The following GFRAL variants were observed in gnomAD, a reference collection of about 807,000 sequenced individuals.
The protein encoded by GFRAL is GDNF family receptor alpha like, also known as GDNF family receptor alpha-like.
In GFRAL, 36 loss-of-function variants were observed where a neutral mutation model predicts 45.4. The observed-to-expected ratio is 0.79, with a 90% CI of 0.61 to 1.05. The LOEUF is 1.05. Ranked by LOEUF, GFRAL falls within the 50% of genes least tolerant of loss-of-function variation. GFRAL has a pLI of 0.00. For missense variants in GFRAL, 507 were observed against 467.5 expected (o/e 1.08, Z -0.78); for synonymous variants, 166 against 154.1 (o/e 1.08, Z -0.57).
intron 3 of GFRAL, among the ~76,000 whole-genome samples, chr6:55,343,960 C>T (rs1311658275): frequency 6.6e-6 from 1 of 152,092 alleles, no homozygotes; most frequent in Non-Finnish European, 1.5e-5. Flanking sequence ...TTCCTGGATG[C>T]ATACACTCTA....
chr6:55,331,469 A>T (rs1440418774), intron 1 of GFRAL, among the ~76,000 whole-genome samples: 1 of 152,124 alleles, frequency 6.6e-6, no homozygotes, highest in East Asian at 1.9e-4. Flanking sequence ...ATAAAAATAA[A>T]TTATAAGTTG....
intron 3 of GFRAL, among the ~76,000 whole-genome samples, chr6:55,346,831 TC>T (rs1554187943): frequency 0.03 from 640 of 21,514 alleles, 28 homozygotes; most frequent in East Asian, 0.081. Context: ...AAACAAGAAA[TC>T]CCCCCCCCCC....
At chr6:55,375,661 G>C (rs895126456) in intron 6 of GFRAL, among the ~76,000 whole-genome samples, 4 of 151,864 alleles carry the variant, frequency 2.6e-5, no homozygotes, top group African/African-American at 9.7e-5. Flanking sequence ...TGTTGAATAG[G>C]AGTGCTAAGA....
At chr6:55,380,704 G>T (rs1031282391) in intron 6 of GFRAL, among the ~76,000 whole-genome samples, 6 of 151,900 alleles carry the variant, frequency 3.9e-5, no homozygotes, top group African/African-American at 1.4e-4. Flanking sequence ...TCCCAAGGTG[G>T]CCTGCTTCAC....
intron 3 of GFRAL, among the ~76,000 whole-genome samples, chr6:55,340,641 A>G (rs140547295): frequency 0.013 from 1,988 of 152,224 alleles, 23 homozygotes; most frequent in Non-Finnish European, 0.022. Flanking sequence ...CTGAGGTACC[A>G]GGTTCATCTC....
intron 6 of GFRAL, among the ~76,000 whole-genome samples, chr6:55,367,633 C>T (rs1768383354): frequency 6.6e-6 from 1 of 150,732 alleles, no homozygotes; most frequent in Non-Finnish European, 1.5e-5. Context: ...GTAAGGCAGG[C>T]CTGGTGGTGA....
intron 6 of GFRAL, among the ~76,000 whole-genome samples, chr6:55,388,241 C>T (rs1479237642): frequency 6.6e-6 from 1 of 152,140 alleles, no homozygotes; most frequent in Admixed American, 6.6e-5. Flanking sequence ...AAAAAAAACT[C>T]AGTTGCAAAG....
At chr6:55,385,815 G>A (rs891662493) in intron 6 of GFRAL, among the ~76,000 whole-genome samples, 1 of 152,042 alleles carries the variant, frequency 6.6e-6, no homozygotes, top group Non-Finnish European at 1.5e-5. Flanking sequence ...CCTCCACCAG[G>A]TTGTGTAGAG....
intron 3 of GFRAL, among the ~76,000 whole-genome samples, chr6:55,342,996 AC>A (rs1377008645): frequency 1.3e-5 from 2 of 152,194 alleles, no homozygotes; most frequent in African/African-American, 2.4e-5. Flanking sequence ...ATATATATGC[AC>A]CCAATACAGG....
intron 6 of GFRAL, among the ~76,000 whole-genome samples, chr6:55,367,512 A>G (rs1364693249): frequency 6.8e-6 from 1 of 147,894 alleles, no homozygotes; most frequent in African/African-American, 2.6e-5. Flanking sequence ...TTTGCTCGTT[A>G]GTTGATGCAG....
intron 6 of GFRAL, among the ~76,000 whole-genome samples, chr6:55,377,269 T>A (rs1372357260): frequency 3.3e-5 from 5 of 152,044 alleles, no homozygotes; most frequent in African/African-American, 1.2e-4. Context: ...GCAGCTGCCC[T>A]ACTTCAAGGT....
intron 6 of GFRAL, among the ~76,000 whole-genome samples, chr6:55,359,493 G>C (rs1250674838): frequency 6.6e-6 from 1 of 151,836 alleles, no homozygotes; most frequent in Non-Finnish European, 1.5e-5. Flanking sequence ...CAAAACAATG[G>C]CTTAAAACGA....
intron 6 of GFRAL, among the ~76,000 whole-genome samples, chr6:55,362,167 A>C (rs994360090): frequency 6.6e-6 from 1 of 151,868 alleles, no homozygotes; most frequent in Non-Finnish European, 1.5e-5. Context: ...AAATAAATTT[A>C]TGAGATTAAA....
intron 2 of GFRAL, among the ~76,000 whole-genome samples, chr6:55,332,571 A>G (rs1034086112): frequency 6.6e-6 from 1 of 151,774 alleles, no homozygotes; most frequent in Non-Finnish European, 1.5e-5. Flanking sequence ...CTACAGGCGC[A>G]TGCCACCATG....
rs1562055352 is a variant in GFRAL, at chr6:55,358,950, A to G, written c.764A>G (p.Asp255Gly). ...CGTGTGACTAGAAAGTGCCATGAAGATGAGAATTGCATTAGCACCTTAAGC... is the reference window on the plus strand; with the variant it reads ...CGTGTGACTAGAAAGTGCCATGAAGGTGAGAATTGCATTAGCACCTTAAGC... ...WQRVTRKCHE[D>G]ENCISTLSKQ... Residue 255 changes from aspartate to glycine, a missense_variant, in exon 6 of 9, where the codon GAT (aspartate) becomes GGT (glycine). Physicochemically the swap from Asp to Gly is moderately conservative, Grantham distance 94. Transcript: ENST00000340465. The G allele has an allele frequency of 1.2e-6, 2 of 1,613,062 alleles. No homozygotes were observed. Among genetic ancestry groups the G allele is most frequent in the East Asian group, 2.2e-5 (1 of 44,838 alleles).
At chr6:55,340,130 G>T (rs1240409338) in intron 3 of GFRAL, among the ~76,000 whole-genome samples, 1 of 152,120 alleles carries the variant, frequency 6.6e-6, no homozygotes, top group South Asian at 2.1e-4. Flanking sequence ...TCATGACAAA[G>T]AATTATAAAG....
rs574616300 is a variant in GFRAL at position 55,364,065 on chromosome 6, G to A, written c.952+4927G>A. ...TTACTGTCCCACCAACAGTGTAAAA[G>A]TGTTCCTATTTCTCCACATCCTCTC... On this transcript the variant is annotated intron_variant, in intron 6 of 8. Coordinates refer to ENST00000340465, the MANE Select transcript of GFRAL (RefSeq NM_207410.2). 8.6e-4 allele frequency among the ~76,000 whole-genome samples: 125 copies of A among 144,538 alleles called. 8 individuals are homozygous for A. The highest frequency in any genetic ancestry group is 3.5e-3 in the East Asian group (18 of 5,168). The allele number at this position is 144,538 out of a possible 152,430, so 94.8% of individuals were successfully genotyped here.
At chr6:55,385,929 G>A (rs1214839409) in intron 6 of GFRAL, among the ~76,000 whole-genome samples, 1 of 152,038 alleles carries the variant, frequency 6.6e-6, no homozygotes, top group Non-Finnish European at 1.5e-5. Context: ...TGTTCTGATA[G>A]TCTTGGATTA....
intron 3 of GFRAL, among the ~76,000 whole-genome samples, chr6:55,339,146 G>T (rs1439957290): frequency 6.6e-6 from 1 of 152,120 alleles, no homozygotes; most frequent in East Asian, 1.9e-4. Flanking sequence ...GTGACCAGTT[G>T]GATATGAGGA....
Sources: gnomAD v4.1 joint callset for allele counts (sites outside exome capture counted in the v4.1 genomes callset) on GRCh38, gnomAD v4.1.1 for gene constraint, MANE v1.5 for transcripts, NCBI Gene and HGNC (gene_info 2026-07-23, HGNC 2026-07-21) for gene names.